KLF8: variants seen among roughly 807,000 people sequenced by gnomAD.
The protein encoded by KLF8 is KLF transcription factor 8, also known as Krueppel-like factor 8.
In KLF8, 10 loss-of-function variants were observed where a neutral mutation model predicts 18.2. The observed-to-expected ratio is 0.55, with a 90% CI of 0.34 to 0.93. The LOEUF is 0.93. Ranked by LOEUF, KLF8 falls within the 40% of genes least tolerant of loss-of-function variation. KLF8 has a pLI of 0.02. For synonymous variants in KLF8, 109 were observed against 97.3 expected (o/e 1.12, Z -0.71); for missense variants, 264 against 277.9 (o/e 0.95, Z 0.36).
the KLF8 span, among the ~76,000 whole-genome samples, chrX:56,101,825 G>A: frequency 1.8e-5 from 2 of 111,410 alleles, no homozygotes; most frequent in East Asian, 5.6e-4. Flanking sequence ...GATTTGCTTA[G>A]GTTCCTTATG....
At chrX:56,041,685 GTTGTT>G in the KLF8 span, among the ~76,000 whole-genome samples, 1 of 109,070 alleles carries the variant, frequency 9.2e-6, no homozygotes, top group South Asian at 4.0e-4. Flanking sequence ...TGTTGTTGTT[GTTGTT>G]GTTGTTGTTG....
At chrX:56,213,239 C>T in the KLF8 span, among the ~76,000 whole-genome samples, 1 of 106,023 alleles carries the variant, frequency 9.4e-6, no homozygotes, top group Middle Eastern at 4.9e-3. Flanking sequence ...TTTGAGTCTC[C>T]TGTTCTCATC....
the KLF8 span, among the ~76,000 whole-genome samples, chrX:55,929,639 G>C: frequency 1.8e-5 from 2 of 111,319 alleles, no homozygotes; most frequent in African/African-American, 6.5e-5. Context: ...TATCCCCATT[G>C]CTTGTTTTTG....
chrX:55,962,862 A>G, the KLF8 span, among the ~76,000 whole-genome samples: 5 of 112,796 alleles, frequency 4.4e-5, no homozygotes, highest in Non-Finnish European at 9.4e-5. Context: ...CATGAGAAAT[A>G]GCACACATTG....
the KLF8 span, among the ~76,000 whole-genome samples, chrX:56,136,442 T>C: frequency 9.1e-6 from 1 of 110,389 alleles, no homozygotes; most frequent in Admixed American, 9.7e-5. Flanking sequence ...CCCTCAGAAA[T>C]AACGCCGCAT....
chrX:56,144,029 C>T, the KLF8 span, among the ~76,000 whole-genome samples: 1 of 111,786 alleles, frequency 8.9e-6, no homozygotes. Flanking sequence ...ATCACTAATT[C>T]AATATGACCC....
chrX:56,218,491 G>C, the KLF8 span, among the ~76,000 whole-genome samples: 2 of 111,934 alleles, frequency 1.8e-5, no homozygotes, highest in African/African-American at 6.5e-5. Context: ...CTTAAAACCA[G>C]TAACTCCTCT....
the KLF8 span, among the ~76,000 whole-genome samples, chrX:55,995,493 C>T: frequency 8.9e-6 from 1 of 112,284 alleles, no homozygotes; most frequent in Non-Finnish European, 1.9e-5. Context: ...TATGTACTTA[C>T]ATGTGTTTTT....
the KLF8 span, among the ~76,000 whole-genome samples, chrX:56,142,682 C>A: frequency 8.9e-6 from 1 of 111,948 alleles, no homozygotes; most frequent in Admixed American, 9.5e-5. Flanking sequence ...CTTAAGTCTT[C>A]TTCCCCACCC....
chrX:56,012,748 T>A, the KLF8 span, among the ~76,000 whole-genome samples: 1 of 110,595 alleles, frequency 9.0e-6, no homozygotes, highest in African/African-American at 3.3e-5. Flanking sequence ...TCAGTAACAT[T>A]GGAAAAATCA....
the KLF8 span, among the ~76,000 whole-genome samples, chrX:55,935,397 A>G: frequency 3.7e-3 from 417 of 112,056 alleles, 2 homozygotes; most frequent in Non-Finnish European, 7.0e-3. Context: ...CCAGAACTAC[A>G]GAATCAGAAT....
the KLF8 span, among the ~76,000 whole-genome samples, chrX:56,181,608 TC>T: frequency 8.9e-6 from 1 of 111,862 alleles, no homozygotes; most frequent in South Asian, 3.8e-4. Flanking sequence ...TACCGGTTGT[TC>T]CTTTCCATGT....
At chrX:56,221,065 C>T in the KLF8 span, among the ~76,000 whole-genome samples, 1 of 111,730 alleles carries the variant, frequency 9.0e-6, no homozygotes, top group Non-Finnish European at 1.9e-5. Context: ...ATTATACTTC[C>T]TTACTTGCAC....
At chrX:55,960,043 G>T in the KLF8 span, among the ~76,000 whole-genome samples, 1 of 112,016 alleles carries the variant, frequency 8.9e-6, no homozygotes, top group African/African-American at 3.2e-5. Context: ...TAACTTAAGT[G>T]AGTCTTTCAG....
intron 5 of KLF8, 60 bp downstream of exon 5, chrX:56,270,381 C>CACGA (rs1355621837): frequency 2.4e-5 from 19 of 777,660 alleles, no homozygotes; most frequent in East Asian, 8.9e-5. Context: ...CACACACACA[C>CACGA]GAGAGAGAGA....
chrX:56,043,021 C>A, the KLF8 span, among the ~76,000 whole-genome samples: 1 of 111,889 alleles, frequency 8.9e-6, no homozygotes, highest in African/African-American at 3.2e-5. Context: ...TGTTAATGAA[C>A]TTCCTCAGCA....
chrX:56,191,436 G>A, the KLF8 span, among the ~76,000 whole-genome samples: 4 of 111,474 alleles, frequency 3.6e-5, no homozygotes, highest in Non-Finnish European at 7.6e-5. Context: ...AGAAGATGAG[G>A]GAGTACTTCC....
At chrX:56,182,048 AAG>A in the KLF8 span, among the ~76,000 whole-genome samples, 1 of 111,632 alleles carries the variant, frequency 9.0e-6, no homozygotes, top group Admixed American at 9.5e-5. Context: ...TACTATCCTG[AAG>A]AGTCTTTTCC....
the KLF8 span, among the ~76,000 whole-genome samples, chrX:56,180,362 C>T: frequency 5.4e-5 from 6 of 111,025 alleles, no homozygotes; most frequent in Admixed American, 9.7e-5. Context: ...TTTGATTCTT[C>T]TCTCTAGTCT....
Sources: allele counts gnomAD v4.1 joint callset (sites outside exome capture counted in the v4.1 genomes callset), GRCh38; gene constraint gnomAD v4.1.1; transcripts MANE v1.5; gene names NCBI Gene and HGNC (gene_info 2026-07-23, HGNC 2026-07-21).